JADE3: variants seen among roughly 807,000 people sequenced by gnomAD.
JADE3 encodes protein Jade-3.
Under a neutral mutation model 50.1 loss-of-function variants are expected in JADE3, and 2 were observed. The ratio of observed to expected loss-of-function variants is 0.04; its 90% CI spans 0.02 to 0.13. The LOEUF is 0.13. JADE3 is among the 10% of genes least tolerant of loss of function. JADE3 has a pLI of 1.00. For synonymous variants in JADE3, 218 were observed against 232.9 expected (o/e 0.94, Z 0.58); for missense variants, 475 against 634.4 (o/e 0.75, Z 2.70).
At chrX:47,030,885 A>G (rs1328957613) in intron 6 of JADE3, among the ~76,000 whole-genome samples, 1 of 110,801 alleles carries the variant, frequency 9.0e-6, no homozygotes, top group Non-Finnish European at 1.9e-5. Flanking sequence ...CCCCGTCTCT[A>G]TTAAAAATAC....
intron 1 of JADE3, among the ~76,000 whole-genome samples, chrX:46,945,529 C>T (rs1926868447): frequency 9.0e-6 from 1 of 111,221 alleles, no homozygotes; most frequent in African/African-American, 3.3e-5. Context: ...TGCTTGACTT[C>T]CCATTTGGCT....
rs200395115 is a variant in JADE3 at position 47,039,050 on chromosome X, G to A, written c.957G>A (p.Thr319=). The change falls in exon 8 of 11, where the codon ACG becomes ACA. Residue 319 remains threonine (T), a synonymous_variant. Coordinates refer to ENST00000614628, the MANE Select transcript of JADE3 (RefSeq NM_014735.5). ...ALVCNLCKLK[T]GACIQCSIKS... is the part of the protein sequence containing the mutation. ...TCTGCAACTTGTGCAAGTTGAAGAC[G>A]GGGGCTTGTATTCAGGTAAGTCCCC... 9.6e-6 allele frequency: 11 copies of A among 1,144,442 alleles called. No individual in the cohort carries two copies. The highest frequency in any genetic ancestry group is 3.6e-5 in the African/African-American group (2 of 55,568). 94.3% of individuals were successfully genotyped at this position (1,144,442 alleles called of 1,213,427 possible). A position where few individuals can be genotyped will look rare whatever the true frequency, so the allele number is the denominator to read the frequency against.
chrX:46,989,257 GTTGTT>G (rs1556355339), intron 3 of JADE3, among the ~76,000 whole-genome samples: 1 of 112,382 alleles, frequency 8.9e-6, no homozygotes, highest in East Asian at 2.8e-4. Flanking sequence ...GCTTCAAACA[GTTGTT>G]TTAAGGTTCA....
chrX:46,980,265 G>A (rs782061023), intron 1 of JADE3, among the ~76,000 whole-genome samples: 106 of 111,248 alleles, frequency 9.5e-4, no homozygotes, highest in African/African-American at 3.3e-3. Flanking sequence ...TAAGTTCATT[G>A]TCAGATATGT....
intron 1 of JADE3, among the ~76,000 whole-genome samples, chrX:46,982,521 A>C (rs1927778368): frequency 9.0e-6 from 1 of 111,289 alleles, no homozygotes; most frequent in Non-Finnish European, 1.9e-5. Flanking sequence ...TTTGTTGGAA[A>C]CTGGGCATTT....
At chrX:47,012,978 A>G (rs1556362069) in intron 4 of JADE3, among the ~76,000 whole-genome samples, 2 of 111,494 alleles carry the variant, frequency 1.8e-5, no homozygotes, top group African/African-American at 6.5e-5. Context: ...ATAGTTATTG[A>G]ATTAGCAAGA....
chrX:46,991,546 G>A (rs1186089158), intron 3 of JADE3, among the ~76,000 whole-genome samples: 10 of 111,598 alleles, frequency 9.0e-5, no homozygotes, highest in Middle Eastern at 4.6e-3. Context: ...GTTGACGTAC[G>A]TTTTCAGTTG....
At chrX:46,937,959 G>A (rs944912058) in intron 1 of JADE3, among the ~76,000 whole-genome samples, 1 of 111,953 alleles carries the variant, frequency 8.9e-6, no homozygotes, top group Admixed American at 9.5e-5. Flanking sequence ...CATCCTGGGC[G>A]ATGAGCAAAA....
At chrX:46,980,433 T>C (rs1556352762) in intron 1 of JADE3, among the ~76,000 whole-genome samples, 1 of 110,922 alleles carries the variant, frequency 9.0e-6, no homozygotes, top group Non-Finnish European at 1.9e-5. Flanking sequence ...GTAATATGTG[T>C]AAATATTCTG....
intron 1 of JADE3, among the ~76,000 whole-genome samples, chrX:46,915,066 C>A (rs991486478): frequency 1.8e-5 from 2 of 111,953 alleles, no homozygotes; most frequent in Admixed American, 9.4e-5. Context: ...CCCATTTTTT[C>A]CCCTAACCTA....
At chrX:47,025,020 G>T in intron 5 of JADE3, 106 bp downstream of exon 5, 6 of 405,537 alleles carry the variant, frequency 1.5e-5, no homozygotes, top group African/African-American at 2.6e-5. Flanking sequence ...TTTCTTTTCT[G>T]GCCTTTTCAT....
intron 7 of JADE3, among the ~76,000 whole-genome samples, chrX:47,035,354 ATATACT>A (rs782061117): frequency 8.9e-6 from 1 of 112,003 alleles, no homozygotes; most frequent in African/African-American, 3.2e-5. Context: ...AGTCCCATAT[ATATACT>A]TTTGTATTCC....
rs782291614 is a variant in JADE3 at position 47,016,998 on chromosome X, T to C, written c.285-7726T>C. Among the ~76,000 whole-genome samples the C allele has an allele frequency of 4.5e-5, 5 of 112,224 alleles. No homozygotes were observed. In the South Asian group the frequency reaches 1.9e-3, roughly 42 times the overall value. ...AATTTTGGATATATGTATAAATTAATTGACATGATCCTTGGGTGCTAGAAT... is the reference window on the plus strand; with the variant it reads ...AATTTTGGATATATGTATAAATTAACTGACATGATCCTTGGGTGCTAGAAT... On this transcript the variant is annotated intron_variant, in intron 4 of 10. Coordinates refer to ENST00000614628, the MANE Select transcript of JADE3 (RefSeq NM_014735.5).
At chrX:47,004,605 G>A (rs782561035) in intron 4 of JADE3, among the ~76,000 whole-genome samples, 1 of 111,682 alleles carries the variant, frequency 9.0e-6, no homozygotes, top group African/African-American at 3.3e-5. Context: ...AATTTTTTAA[G>A]AATTTTTTGT....
intron 10 of JADE3, among the ~76,000 whole-genome samples, chrX:47,056,863 C>A (rs1352861773): frequency 1.8e-5 from 2 of 111,812 alleles, no homozygotes; most frequent in East Asian, 5.6e-4. Flanking sequence ...ACACAGAGGT[C>A]AATGGCAGAG....
intron 1 of JADE3, among the ~76,000 whole-genome samples, chrX:46,975,247 A>G (rs1307630003): frequency 6.2e-5 from 7 of 112,465 alleles, no homozygotes; most frequent in South Asian, 3.7e-4. Context: ...TATAGTTTCA[A>G]TGTTTCAAGT....
intron 4 of JADE3, among the ~76,000 whole-genome samples, chrX:47,016,212 G>A (rs1168495102): frequency 9.0e-6 from 1 of 111,158 alleles, no homozygotes; most frequent in Non-Finnish European, 1.9e-5. Context: ...GCTGGAGAAC[G>A]CAGTCTTGCT....
intron 1 of JADE3, among the ~76,000 whole-genome samples, chrX:46,936,735 T>A: frequency 8.9e-6 from 1 of 112,180 alleles, no homozygotes; most frequent in African/African-American, 3.2e-5. Context: ...ATTTAAGTTG[T>A]CTATGTGTGC....
chrX:47,037,015 C>T (rs1373654272), intron 7 of JADE3, among the ~76,000 whole-genome samples: 2 of 93,250 alleles, frequency 2.1e-5, no homozygotes, highest in African/African-American at 4.1e-5. Flanking sequence ...TGCTAGATGA[C>T]GAGTTGGTGG....
Sources: allele counts gnomAD v4.1 joint callset (sites outside exome capture counted in the v4.1 genomes callset), GRCh38; gene constraint gnomAD v4.1.1; transcripts MANE v1.5; gene names NCBI Gene and HGNC (gene_info 2026-07-23, HGNC 2026-07-21).